ACTR3C: variants seen among roughly 807,000 people sequenced by gnomAD.
ACTR3C encodes actin related protein 3C, also known as actin-related protein 3C.
In ACTR3C, 18 loss-of-function variants were observed where a neutral mutation model predicts 26.3. The ratio of observed to expected loss-of-function variants is 0.68; its 90% CI spans 0.47 to 1.01. ACTR3C has a LOEUF of 1.01. Among genes scored for constraint, ACTR3C ranks in the 50% least tolerant of loss-of-function variants. ACTR3C has a pLI of 0.00. For missense variants in ACTR3C, 184 were observed against 250.7 expected (o/e 0.73, Z 1.80); for synonymous variants, 55 against 94.5 (o/e 0.58, Z 2.42).
intron 3 of ACTR3C, among the ~76,000 whole-genome samples, chr7:150,290,953 T>C (rs1836200555): frequency 6.6e-6 from 1 of 152,188 alleles, no homozygotes; most frequent in African/African-American, 2.4e-5. Context: ...ATAAATTATG[T>C]ACTTCTTAAA....
chr7:149,986,217 G>T, the ACTR3C span, among the ~76,000 whole-genome samples: 1 of 152,014 alleles, frequency 6.6e-6, no homozygotes, highest in Non-Finnish European at 1.5e-5. Flanking sequence ...GGGGCTGGCT[G>T]TTCCTGTGGA....
At chr7:150,169,694 A>C in the ACTR3C span, among the ~76,000 whole-genome samples, 1 of 150,832 alleles carries the variant, frequency 6.6e-6, no homozygotes, top group Non-Finnish European at 1.5e-5. Context: ...AGAAAGACAC[A>C]ATTAAGTCAT....
chr7:150,108,336 C>A, the ACTR3C span, among the ~76,000 whole-genome samples: 1 of 150,674 alleles, frequency 6.6e-6, no homozygotes. Flanking sequence ...TAATAAAAAT[C>A]AGAAGTCAGG....
chr7:150,282,801 G>A (rs1377056114), intron 6 of ACTR3C, among the ~76,000 whole-genome samples: 4 of 140,474 alleles, frequency 2.8e-5, no homozygotes, highest in Non-Finnish European at 1.5e-5. Context: ...GCTTGAGCCC[G>A]AGAGGTCGAG....
chr7:150,114,763 C>G, the ACTR3C span, among the ~76,000 whole-genome samples: 1 of 152,122 alleles, frequency 6.6e-6, no homozygotes. Context: ...CAGCCCTGAA[C>G]GCACCTGATC....
At chr7:150,319,590 C>G (rs1797286865) in intron 1 of ACTR3C, among the ~76,000 whole-genome samples, 1 of 152,232 alleles carries the variant, frequency 6.6e-6, no homozygotes, top group African/African-American at 2.4e-5. Context: ...GGCAGGATGG[C>G]AAATTCAGGT....
intron 1 of ACTR3C, among the ~76,000 whole-genome samples, chr7:150,303,617 C>G (rs1263447358): frequency 2.0e-5 from 3 of 152,208 alleles, no homozygotes; most frequent in African/African-American, 7.2e-5. Flanking sequence ...CTTATGGGTT[C>G]TGAGGACCAC....
the ACTR3C span, among the ~76,000 whole-genome samples, chr7:150,113,772 C>T: frequency 1.3e-5 from 2 of 152,274 alleles, no homozygotes; most frequent in East Asian, 1.9e-4. Context: ...ACAGTCTATG[C>T]CTGGCTAAAA....
chr7:150,174,225 G>A, the ACTR3C span, among the ~76,000 whole-genome samples: 1 of 139,500 alleles, frequency 7.2e-6, no homozygotes, highest in South Asian at 2.3e-4. Context: ...AAGTTTAACT[G>A]GACTTATTGT....
the ACTR3C span, among the ~76,000 whole-genome samples, chr7:150,022,196 A>T: frequency 6.6e-6 from 1 of 151,858 alleles, no homozygotes; most frequent in African/African-American, 2.4e-5. Flanking sequence ...TTGTGGTTTT[A>T]ATTTGCATTT....
chr7:149,972,897 ATGTCTGTCCCCATGTAATCATAGT>A, the ACTR3C span, among the ~76,000 whole-genome samples: 1 of 152,080 alleles, frequency 6.6e-6, no homozygotes, highest in African/African-American at 2.4e-5. Flanking sequence ...CGTGGGCGGC[ATGTCTGTCCCCATGTAATCATAGT>A]GAGTGGGCAG....
intron 1 of ACTR3C, 64 bp downstream of exon 1, chr7:150,323,405 G>A (rs1194999951): frequency 6.6e-6 from 2 of 304,712 alleles, no homozygotes; most frequent in Non-Finnish European, 1.3e-5. Context: ...CAAGTTGGGT[G>A]GTGGGCACGC....
chr7:150,039,838 G>A, the ACTR3C span, among the ~76,000 whole-genome samples: 6 of 126,974 alleles, frequency 4.7e-5, no homozygotes, highest in African/African-American at 5.9e-5. Context: ...CGCCCCCAGC[G>A]ATGGGGGTCC....
chr7:150,020,883 C>T, the ACTR3C span, among the ~76,000 whole-genome samples: 23 of 152,176 alleles, frequency 1.5e-4, 1 homozygote, highest in Admixed American at 1.3e-3. Flanking sequence ...TGCATTGCCA[C>T]GATCTCGGCT....
At chr7:150,284,546 CAAAAT>C (rs750467389) in intron 6 of ACTR3C, among the ~76,000 whole-genome samples, 1 of 152,042 alleles carries the variant, frequency 6.6e-6, no homozygotes, top group African/African-American at 2.4e-5. Flanking sequence ...ACTCCGTCTC[CAAAAT>C]AAAATAAAAT....
At chr7:149,927,941 A>G in the ACTR3C span, among the ~76,000 whole-genome samples, 1 of 152,152 alleles carries the variant, frequency 6.6e-6, no homozygotes, top group East Asian at 1.9e-4. Flanking sequence ...CAGCAACACA[A>G]AACAAAGACA....
the ACTR3C span, among the ~76,000 whole-genome samples, chr7:150,198,979 TGG>T: frequency 2.5e-5 from 2 of 79,758 alleles, no homozygotes; most frequent in Non-Finnish European, 4.6e-5. Flanking sequence ...GGGAGGGAGG[TGG>T]GGGGGGTCAG....
chr7:150,019,596 T>TAAA, the ACTR3C span, among the ~76,000 whole-genome samples: 8 of 49,180 alleles, frequency 1.6e-4, 1 homozygote, highest in Admixed American at 2.2e-4. Flanking sequence ...GTCTCAAAAA[T>TAAA]AAAAATAATA....
the ACTR3C span, among the ~76,000 whole-genome samples, chr7:150,082,572 G>T: frequency 1.3e-5 from 2 of 152,128 alleles, no homozygotes; most frequent in Non-Finnish European, 2.9e-5. Context: ...AAATCACCCT[G>T]CTGTGGCTAC....
Sources: gnomAD v4.1 joint callset for allele counts (sites outside exome capture counted in the v4.1 genomes callset) on GRCh38, gnomAD v4.1.1 for gene constraint, MANE v1.5 for transcripts, NCBI Gene and HGNC (gene_info 2026-07-23, HGNC 2026-07-21) for gene names.